DENND5B: variants seen among roughly 807,000 people sequenced by gnomAD.
DENND5B encodes DENN domain containing 5B, also known as DENN domain-containing protein 5B.
DENND5B carries 34 observed loss-of-function variants against 140.6 expected under a neutral mutation model. That is an observed-to-expected ratio of 0.24 (90% CI 0.18 to 0.32). The LOEUF (loss-of-function observed/expected upper bound fraction) is 0.32. Among genes scored for constraint, DENND5B ranks in the 10% least tolerant of loss-of-function variants. The pLI is 1.00. For synonymous variants in DENND5B, 551 were observed against 562.1 expected (o/e 0.98, Z 0.28); for missense variants, 1,142 against 1,560.2 (o/e 0.73, Z 4.52).
At chr12:31,583,366 G>A (rs1003681369) in intron 1 of DENND5B, among the ~76,000 whole-genome samples, 1 of 151,866 alleles carries the variant, frequency 6.6e-6, no homozygotes, top group African/African-American at 2.4e-5. Context: ...GACTGAATGA[G>A]GTACTGACTA....
chr12:31,501,501 C>A (rs1565643449), intron 1 of DENND5B, among the ~76,000 whole-genome samples: 1 of 152,164 alleles, frequency 6.6e-6, no homozygotes, highest in Non-Finnish European at 1.5e-5. Flanking sequence ...AGGCCGGGCG[C>A]AGTGGCTCAT....
intron 13 of DENND5B, among the ~76,000 whole-genome samples, chr12:31,411,260 A>T (rs138921409): frequency 0.013 from 1,891 of 146,364 alleles, 34 homozygotes; most frequent in African/African-American, 0.044. Context: ...CTAGTCTCGA[A>T]CTCCTGATCT....
At chr12:31,403,694 G>A (rs1382031198) in intron 14 of DENND5B, among the ~76,000 whole-genome samples, 1 of 150,906 alleles carries the variant, frequency 6.6e-6, no homozygotes, top group Non-Finnish European at 1.5e-5. Flanking sequence ...TCAGGAGCTT[G>A]AGACCAGGCT....
At position 31,551,240 on chromosome 12, in the gene DENND5B, A is replaced by T. The variant is rs1296991472; in HGVS notation, c.127+39466T>A. Among the ~76,000 whole-genome samples, 50 of 152,032 alleles carry T rather than the reference A, an allele frequency of 3.3e-4. 1 individual carries two copies. The highest frequency in any genetic ancestry group is 1.2e-3 in the African/African-American group (50 of 41,484). ...AATCCATCTTGAATTAATTTTTGTA[A>T]AAGGTGTAAGGAAGGGATCCAGTTT... On this transcript the variant is annotated intron_variant, in intron 1 of 20. Coordinates refer to ENST00000389082, the MANE Select transcript of DENND5B (RefSeq NM_144973.4).
chr12:31,589,388 ATTT>A (rs898389564), intron 1 of DENND5B, among the ~76,000 whole-genome samples: 20 of 151,692 alleles, frequency 1.3e-4, no homozygotes, highest in African/African-American at 4.3e-4. Flanking sequence ...ATCTCTCCAA[ATTT>A]TTTTTTAACT....
intron 1 of DENND5B, among the ~76,000 whole-genome samples, chr12:31,498,972 C>CAA (rs369875785): frequency 0.021 from 2,144 of 100,028 alleles, 90 homozygotes; most frequent in African/African-American, 0.057. Context: ...GGCTCCGTCT[C>CAA]AAAAAAAAAA....
At chr12:31,568,270 C>T (rs1222427900) in intron 1 of DENND5B, among the ~76,000 whole-genome samples, 1 of 152,070 alleles carries the variant, frequency 6.6e-6, no homozygotes, top group Non-Finnish European at 1.5e-5. Flanking sequence ...GACTTAGGTC[C>T]CACCCTTAAG....
chr12:31,468,032 T>C (rs537046723), intron 3 of DENND5B, among the ~76,000 whole-genome samples: 6 of 152,136 alleles, frequency 3.9e-5, no homozygotes, highest in South Asian at 4.2e-4. Context: ...GGTGAAAGAA[T>C]TGCTTGAGCC....
chr12:31,585,603 T>G (rs1027054577), intron 1 of DENND5B, among the ~76,000 whole-genome samples: 2 of 152,234 alleles, frequency 1.3e-5, no homozygotes, highest in Non-Finnish European at 2.9e-5. Flanking sequence ...TGTCTACTGC[T>G]GATCAAATGT....
chr12:31,455,329 AG>A (rs1944719660), intron 4 of DENND5B, among the ~76,000 whole-genome samples: 1 of 152,124 alleles, frequency 6.6e-6, no homozygotes, highest in Admixed American at 6.6e-5. Context: ...ATCACTGCTG[AG>A]CTGAGTGTAC....
At chr12:31,555,050 TCTCAA>T (rs1168259500) in intron 1 of DENND5B, among the ~76,000 whole-genome samples, 52 of 152,230 alleles carry the variant, frequency 3.4e-4, no homozygotes, top group African/African-American at 1.3e-3. Flanking sequence ...AGCCTTCTTC[TCTCAA>T]CTCGTCAGTC....
At chr12:31,436,372 A>G (rs1943756772) in intron 7 of DENND5B, among the ~76,000 whole-genome samples, 1 of 151,816 alleles carries the variant, frequency 6.6e-6, no homozygotes, top group East Asian at 2.0e-4. Flanking sequence ...AAGTGCTGGG[A>G]TTACAGGCAT....
At position 31,409,851 on chromosome 12, in the gene DENND5B, G is replaced by T. The variant is rs192709446; in HGVS notation, c.2682-467C>A. On this transcript the variant is annotated intron_variant, in intron 13 of 20. Coordinates refer to ENST00000389082, the MANE Select transcript of DENND5B (RefSeq NM_144973.4). ...GGGTCTCGCTATATTGCCCAGGCTG[G>T]TCTTGAACTCTTGGACTCAAGAAAT... 4.3e-3 allele frequency among the ~76,000 whole-genome samples: 651 copies of T among 152,018 alleles called. 2 individuals carry two copies. The highest frequency in any genetic ancestry group is 6.1e-3 in the Non-Finnish European group (414 of 67,982).
intron 2 of DENND5B, 22 bp from the exon 3 acceptor site, chr12:31,480,277 A>G: frequency 6.8e-7 from 1 of 1,466,974 alleles, no homozygotes; most frequent in Non-Finnish European, 9.0e-7. Flanking sequence ...AGAAAAAAAA[A>G]AATCAGAATG....
At chr12:31,477,908 C>A in intron 3 of DENND5B, 1 of 227,062 alleles carries the variant, frequency 4.4e-6, no homozygotes, top group South Asian at 8.2e-5. Context: ...GAGGACATGT[C>A]TAAGCTCTGC....
chr12:31,539,368 C>A (rs938958417), intron 1 of DENND5B, among the ~76,000 whole-genome samples: 1 of 152,068 alleles, frequency 6.6e-6, no homozygotes, highest in African/African-American at 2.4e-5. Flanking sequence ...GGGAATAATT[C>A]CAAACTCACT....
intron 1 of DENND5B, among the ~76,000 whole-genome samples, chr12:31,588,331 C>G (rs1950472308): frequency 1.3e-5 from 2 of 152,294 alleles, no homozygotes; most frequent in African/African-American, 4.8e-5. Flanking sequence ...CTGGCATGTC[C>G]CTAAATCCAC....
intron 12 of DENND5B, among the ~76,000 whole-genome samples, chr12:31,414,162 C>T (rs1336803237): frequency 4.6e-5 from 7 of 152,146 alleles, no homozygotes; most frequent in African/African-American, 1.7e-4. Flanking sequence ...CTCTTGGTCT[C>T]AAATGATCCT....
At chr12:31,508,959 G>C (rs1411480605) in intron 1 of DENND5B, among the ~76,000 whole-genome samples, 1 of 152,068 alleles carries the variant, frequency 6.6e-6, no homozygotes, top group Non-Finnish European at 1.5e-5. Context: ...GGAGGGGCGA[G>C]GTGGAGCCAT....
Sources: allele counts gnomAD v4.1 joint callset (sites outside exome capture counted in the v4.1 genomes callset), GRCh38; gene constraint gnomAD v4.1.1; transcripts MANE v1.5; gene names NCBI Gene and HGNC (gene_info 2026-07-23, HGNC 2026-07-21).